HUNK: variants seen among roughly 807,000 people sequenced by gnomAD.
HUNK encodes the protein hormonally up-regulated Neu-associated kinase.
HUNK carries 21 observed loss-of-function variants against 61.0 expected under a neutral mutation model. That is an observed-to-expected ratio of 0.34 (90% confidence interval 0.24 to 0.50). The LOEUF is 0.50. Among genes scored for constraint, HUNK ranks in the 20% least tolerant of loss-of-function variants. The pLI is 0.98. For missense variants in HUNK, 772 were observed against 945.7 expected (o/e 0.82, Z 2.41); for synonymous variants, 371 against 386.1 (o/e 0.96, Z 0.46).
chr21:31,945,909 T>C, intron 3 of HUNK, 127 bp from the exon 4 acceptor site: 1 of 938,730 alleles, frequency 1.1e-6, no homozygotes, highest in Non-Finnish European at 1.6e-6. Context: ...TTTAGGATGC[T>C]AAATGATGTG....
intron 1 of HUNK, among the ~76,000 whole-genome samples, chr21:31,904,595 G>A (rs539901259): frequency 2.6e-5 from 4 of 152,298 alleles, no homozygotes; most frequent in South Asian, 4.1e-4. Context: ...GATTGTTGGC[G>A]TTTCCTTGAG....
chr21:31,918,474 A>T (rs2052600474), intron 1 of HUNK, among the ~76,000 whole-genome samples: 1 of 152,170 alleles, frequency 6.6e-6, no homozygotes, highest in Admixed American at 6.5e-5. Context: ...AACAACAGAA[A>T]GTGATTCCCT....
chr21:31,985,981 G>C (rs1193011916), intron 8 of HUNK, among the ~76,000 whole-genome samples: 6 of 152,122 alleles, frequency 3.9e-5, no homozygotes, highest in Admixed American at 1.3e-4. Flanking sequence ...CGGGGAAGAT[G>C]AGGATGGAGA....
At chr21:31,910,238 G>C (rs1450141279) in intron 1 of HUNK, among the ~76,000 whole-genome samples, 1 of 152,082 alleles carries the variant, frequency 6.6e-6, no homozygotes, top group African/African-American at 2.4e-5. Flanking sequence ...CTGAGATCAA[G>C]GGGTCAGTAG....
Position 31,974,733 on chromosome 21 carries a change from G to C in HUNK, c.1173+16G>C, listed in dbSNP as rs780932641. The C allele has an allele frequency of 1.9e-6, 3 of 1,602,498 alleles. No homozygotes were observed. The highest frequency in any genetic ancestry group is 1.3e-5 in the African/African-American group (1 of 74,266). ...TTTGTCAGGGGTAAGTGCGACCCTA[G>C]AGGCGATCGTCTCTGCTGTCTGTGG... is the stretch of plus-strand genomic sequence containing the variant. On this transcript the variant is annotated intron_variant, in intron 7 of 10. Transcript: ENST00000270112.
chr21:31,978,507 G>A (rs1229959994), intron 7 of HUNK, among the ~76,000 whole-genome samples: 2 of 151,908 alleles, frequency 1.3e-5, no homozygotes, highest in African/African-American at 4.8e-5. Flanking sequence ...TCAGCCTCTG[G>A]TAACCATCAT....
intron 1 of HUNK, among the ~76,000 whole-genome samples, chr21:31,891,417 A>G (rs1047612530): frequency 2.0e-5 from 3 of 152,340 alleles, no homozygotes; most frequent in Middle Eastern, 3.4e-3. Flanking sequence ...TGGATTGCTT[A>G]TAGCTTGGCA....
chr21:31,936,729 AT>A lies in HUNK; in HGVS notation c.555-3427del, dbSNP rs920893331. Among the ~76,000 whole-genome samples, 426 of 150,926 alleles carry A rather than the reference AT, an allele frequency of 2.8e-3. 4 individuals carry two copies. Among genetic ancestry groups the A allele is most frequent in the African/African-American group, 9.7e-3 (399 of 41,078 alleles). ...CATTTCCTAGATTTGAAAAGCGGAT[AT>A]TTTTTTTTCTTTTGCATTTTCTCTT... is the stretch of plus-strand genomic sequence containing the variant. On this transcript the variant is annotated intron_variant, in intron 2 of 10. Coordinates refer to ENST00000270112, the MANE Select transcript of HUNK (RefSeq NM_014586.2).
intron 6 of HUNK, 151 bp from the exon 7 acceptor site, chr21:31,974,404 C>T (rs926692025): frequency 2.2e-5 from 15 of 686,010 alleles, no homozygotes; most frequent in African/African-American, 9.0e-5. Flanking sequence ...CTATTCCCTC[C>T]GCTTTTCTGA....
intron 7 of HUNK, among the ~76,000 whole-genome samples, chr21:31,979,704 A>G (rs1041186651): frequency 2.7e-5 from 4 of 150,574 alleles, no homozygotes; most frequent in Admixed American, 2.6e-4. Flanking sequence ...TTTAGTAGAG[A>G]CAGGGTTTCA....
At chr21:31,897,968 T>C (rs2052436968) in intron 1 of HUNK, among the ~76,000 whole-genome samples, 1 of 152,148 alleles carries the variant, frequency 6.6e-6, no homozygotes, top group African/African-American at 2.4e-5. Context: ...TTATGGTTCA[T>C]TGGCAGTTCT....
intron 5 of HUNK, among the ~76,000 whole-genome samples, chr21:31,966,668 A>C (rs1245064467): frequency 6.6e-6 from 1 of 152,248 alleles, no homozygotes; most frequent in Non-Finnish European, 1.5e-5. Flanking sequence ...CATTTCCTCA[A>C]GAACAATGTT....
intron 5 of HUNK, among the ~76,000 whole-genome samples, chr21:31,964,337 C>G (rs1490318991): frequency 1.3e-5 from 2 of 152,226 alleles, no homozygotes; most frequent in Non-Finnish European, 2.9e-5. Flanking sequence ...CTATTTGCAT[C>G]TATCAGGCTA....
chr21:31,950,555 C>T (rs966033884), intron 4 of HUNK, among the ~76,000 whole-genome samples: 1 of 152,048 alleles, frequency 6.6e-6, no homozygotes, highest in Non-Finnish European at 1.5e-5. Flanking sequence ...TTAATTTTGG[C>T]GAAAACATAA....
At position 31,948,452 on chromosome 21, in the gene HUNK, C is replaced by T. The variant is rs576177881; in HGVS notation, c.746+2281C>T. Among the ~76,000 whole-genome samples the T allele has an allele frequency of 3.3e-5, 5 of 152,312 alleles. No individual in the cohort carries two copies. The East Asian group carries it at 9.7e-4, about 29-fold the overall frequency. On this transcript the variant is annotated intron_variant, in intron 4 of 10. Transcript: ENST00000270112. ...GCTTTGAGGCCCTCCCATGTACCCT[C>T]CAGTGCCTGGCTATCTGTGTTCCTG... is the stretch of plus-strand genomic sequence containing the variant.
At chr21:31,927,734 A>G (rs1195951505) in intron 2 of HUNK, among the ~76,000 whole-genome samples, 1 of 151,858 alleles carries the variant, frequency 6.6e-6, no homozygotes, top group Non-Finnish European at 1.5e-5. Flanking sequence ...AGGTGGAGAG[A>G]GCTGCCTCCT....
chr21:31,963,503 T>G (rs896129535), intron 5 of HUNK, among the ~76,000 whole-genome samples: 4 of 152,222 alleles, frequency 2.6e-5, no homozygotes, highest in African/African-American at 9.6e-5. Context: ...CATATTTGTT[T>G]TTGTTTTTGT....
chr21:31,983,436 G>T (rs1912530638), intron 7 of HUNK, 90 bp from the exon 8 acceptor site: 6 of 1,018,612 alleles, frequency 5.9e-6, no homozygotes, highest in Non-Finnish European at 9.1e-6. Context: ...CATTCTCTCA[G>T]CCAAGCGCTG....
chr21:31,991,649 G>A (rs1430710928), intron 9 of HUNK, among the ~76,000 whole-genome samples: 1 of 152,238 alleles, frequency 6.6e-6, no homozygotes, highest in East Asian at 1.9e-4. Context: ...ATCCCAGGTG[G>A]CAGCAGTCAG....
Sources: gnomAD v4.1 joint callset for allele counts (sites outside exome capture counted in the v4.1 genomes callset) on GRCh38, gnomAD v4.1.1 for gene constraint, MANE v1.5 for transcripts, NCBI Gene and HGNC (gene_info 2026-07-23, HGNC 2026-07-21) for gene names.